Variants in BNC2 observed in about 807,000 individuals in gnomAD.
BNC2 encodes the protein zinc finger protein basonuclin-2.
A neutral mutation model predicts 76.3 loss-of-function variants in BNC2; 20 were observed. The observed-to-expected ratio is 0.26, with a 90% CI of 0.18 to 0.38. The LOEUF is 0.38. BNC2 is among the 10% of genes least tolerant of loss of function. The probability of loss-of-function intolerance (pLI) is 1.00; values close to 1 mark genes in which losing one functional copy is unlikely to be tolerated. For missense variants in BNC2, 1,382 were observed against 1,399.8 expected (o/e 0.99, Z 0.20); for synonymous variants, 582 against 514.8 (o/e 1.13, Z -1.77).
Position 16,666,952 on chromosome 9 carries a change from T to C in BNC2, c.330+60845A>G, listed in dbSNP as rs946322179. Among the ~76,000 whole-genome samples, 13 of 152,126 alleles carry C rather than the reference T, an allele frequency of 8.5e-5. 1 individual carries two copies. The highest frequency in any genetic ancestry group is 6.6e-4 in the Admixed American group (10 of 15,262). On this transcript the variant is annotated intron_variant, in intron 3 of 6. Transcript: ENST00000380672. Reference sequence around the variant, plus strand: ...ATTCACAGATAAATTCAAATAGTTATGAACTAGTACCAGAGTGATATTACA... The same window carrying C: ...ATTCACAGATAAATTCAAATAGTTACGAACTAGTACCAGAGTGATATTACA...
intron 3 of BNC2, among the ~76,000 whole-genome samples, chr9:16,604,532 C>T (rs1194390430): frequency 6.6e-6 from 1 of 152,176 alleles, no homozygotes. Flanking sequence ...CACGGTGGCT[C>T]ATGCCTGTAA....
intron 1 of BNC2, among the ~76,000 whole-genome samples, chr9:16,779,128 A>AG (rs1459709422): frequency 0.023 from 2,950 of 130,848 alleles, 133 homozygotes; most frequent in African/African-American, 0.083. Flanking sequence ...AAAAAAAAAA[A>AG]AAAAAAGAAA....
intron 3 of BNC2, among the ~76,000 whole-genome samples, chr9:16,605,711 C>G (rs1820364118): frequency 6.7e-6 from 1 of 149,850 alleles, no homozygotes; most frequent in Non-Finnish European, 1.5e-5. Flanking sequence ...GCCATGAAAA[C>G]AAGCATTCTT....
intron 4 of BNC2, among the ~76,000 whole-genome samples, chr9:16,577,210 G>A (rs1819510106): frequency 6.6e-6 from 1 of 151,866 alleles, no homozygotes; most frequent in Admixed American, 6.6e-5. Context: ...ATCATTTATT[G>A]TTTATTGATA....
chr9:16,760,825 T>C (rs536385106), intron 1 of BNC2, among the ~76,000 whole-genome samples: 1 of 152,020 alleles, frequency 6.6e-6, no homozygotes, highest in African/African-American at 2.4e-5. Context: ...GACAGGAAAT[T>C]TGGGGAGGAG....
At chr9:16,709,128 C>T (rs1003117822) in intron 3 of BNC2, among the ~76,000 whole-genome samples, 1 of 152,086 alleles carries the variant, frequency 6.6e-6, no homozygotes, top group African/African-American at 2.4e-5. Context: ...CTGTTCTTTC[C>T]GCTTTCCTAT....
chr9:16,445,977 G>C (rs1821223151), intron 5 of BNC2, among the ~76,000 whole-genome samples: 1 of 152,074 alleles, frequency 6.6e-6, no homozygotes, highest in South Asian at 2.1e-4. Context: ...AGAATGTTGG[G>C]GCTCTCAGAA....
chr9:16,657,620 G>A (rs1821967624), intron 3 of BNC2, among the ~76,000 whole-genome samples: 1 of 152,208 alleles, frequency 6.6e-6, no homozygotes, highest in Admixed American at 6.5e-5. Context: ...AGGCTGAAGG[G>A]AATGTGCTTG....
chr9:16,761,071 C>G (rs993627217), intron 1 of BNC2, among the ~76,000 whole-genome samples: 1 of 130,492 alleles, frequency 7.7e-6, no homozygotes, highest in Non-Finnish European at 1.8e-5. Context: ...AGAGCGGCCC[C>G]GTCTCTACAA....
chr9:16,516,370 T>TAA (rs916312972), intron 5 of BNC2, among the ~76,000 whole-genome samples: 2 of 142,624 alleles, frequency 1.4e-5, no homozygotes, highest in Admixed American at 7.0e-5. Context: ...TGCGGAAACT[T>TAA]AAAAAAAAAA....
intron 5 of BNC2, among the ~76,000 whole-genome samples, chr9:16,550,423 C>A (rs1205402281): frequency 6.6e-6 from 1 of 152,150 alleles, no homozygotes; most frequent in Non-Finnish European, 1.5e-5. Flanking sequence ...ATTTTTTATA[C>A]CTGCATTAGA....
rs540659175 is a variant in BNC2 at position 16,859,699 on chromosome 9, T to G, written c.3+10947A>C. On this transcript the variant is annotated intron_variant, in intron 1 of 6. Coordinates refer to ENST00000380672, the MANE Select transcript of BNC2 (RefSeq NM_017637.6). ...AGCTAGAATAGTGGTTTCCCAGGGCTGGGAGGAAAAGGTAAACGGGAGTTG... is the reference window on the plus strand; with the variant it reads ...AGCTAGAATAGTGGTTTCCCAGGGCGGGGAGGAAAAGGTAAACGGGAGTTG... Among the ~76,000 whole-genome samples the G allele has an allele frequency of 2.0e-4, 30 of 152,306 alleles. No individual in the cohort carries two copies. In the East Asian group the frequency reaches 5.4e-3, roughly 27 times the overall value.
chr9:16,622,599 AGATATAATGTAGCT>A (rs1820894175), intron 3 of BNC2, among the ~76,000 whole-genome samples: 1 of 152,194 alleles, frequency 6.6e-6, no homozygotes, highest in South Asian at 2.1e-4. Context: ...TGAAATTACA[AGATATAATGTAGCT>A]GATCCCTCTT....
At chr9:16,823,947 G>A (rs1370887441) in intron 1 of BNC2, among the ~76,000 whole-genome samples, 4 of 152,076 alleles carry the variant, frequency 2.6e-5, no homozygotes, top group Non-Finnish European at 5.9e-5. Context: ...GATGCCTACA[G>A]ACAATTATAA....
chr9:16,528,610 T>C (rs2061590497), intron 5 of BNC2, among the ~76,000 whole-genome samples: 1 of 152,228 alleles, frequency 6.6e-6, no homozygotes, highest in African/African-American at 2.4e-5. Flanking sequence ...TAGAAGTACC[T>C]ACATAATGAC....
chr9:16,470,303 C>T (rs1821795529), intron 5 of BNC2, among the ~76,000 whole-genome samples: 1 of 152,098 alleles, frequency 6.6e-6, no homozygotes, highest in African/African-American at 2.4e-5. Flanking sequence ...AGCCGGCATT[C>T]AGTTTTATAA....
rs1818692920 is a variant in BNC2, at chr9:16,552,459, G to A, written c.669+71C>T. 3 of 1,346,282 alleles carry A rather than the reference G, an allele frequency of 2.2e-6. No individual in the cohort carries two copies. The South Asian group carries it at 3.7e-5, about 16-fold the overall frequency. The allele number at this position is 1,346,282 out of a possible 1,614,324, so 83.4% of individuals were successfully genotyped here. A position where few individuals can be genotyped will look rare whatever the true frequency, so the allele number is the denominator to read the frequency against. On this transcript the variant is annotated intron_variant, in intron 5 of 6. Transcript: ENST00000380672. The stretch of plus-strand genomic sequence containing the variant: ...GTGTGCAGCCCTTCCTGCGAGGTTT[G>A]TCAAGGACTCTCACCCTTCCCCACC...
intron 1 of BNC2, among the ~76,000 whole-genome samples, chr9:16,757,281 A>T (rs191534837): frequency 1.3e-5 from 2 of 152,174 alleles, no homozygotes; most frequent in East Asian, 1.9e-4. Context: ...AGTGATCTTA[A>T]ATCTCTTGCT....
At chr9:16,531,743 C>T (rs1817981336) in intron 5 of BNC2, among the ~76,000 whole-genome samples, 1 of 152,136 alleles carries the variant, frequency 6.6e-6, no homozygotes, top group African/African-American at 2.4e-5. Flanking sequence ...TCTTCTTAAT[C>T]ATGCACACCA....
Sources: allele counts gnomAD v4.1 joint callset (sites outside exome capture counted in the v4.1 genomes callset), GRCh38; gene constraint gnomAD v4.1.1; transcripts MANE v1.5; gene names NCBI Gene and HGNC (gene_info 2026-07-23, HGNC 2026-07-21).